PCGF6: variants seen among roughly 807,000 people sequenced by gnomAD.
PCGF6 encodes the protein polycomb group ring finger 6, also known as polycomb group RING finger protein 6.
In PCGF6, 24 loss-of-function variants were observed where a neutral mutation model predicts 45.5. The ratio of observed to expected loss-of-function variants is 0.53; its 90% confidence interval spans 0.38 to 0.74. The LOEUF (loss-of-function observed/expected upper bound fraction) is 0.74. Among genes scored for constraint, PCGF6 ranks in the 30% least tolerant of loss-of-function variants. The probability of loss-of-function intolerance (pLI) is 0.00; values close to 1 mark genes in which losing one functional copy is unlikely to be tolerated. For synonymous variants in PCGF6, 152 were observed against 162.1 expected (o/e 0.94, Z 0.47); for missense variants, 356 against 443.2 (o/e 0.80, Z 1.77).
rs2093125537 is a variant in PCGF6 at position 103,303,235 on chromosome 10, GA to G, written c.*669del. On this transcript the variant is annotated 3_prime_UTR_variant, in exon 10 of 10. Transcript: ENST00000369847. Reference sequence around the variant, plus strand: ...TCAGAAATAAAAATACTGTCACAAAGAAGCACCCCTTATTGGAAGATGTATT... The same window carrying G: ...TCAGAAATAAAAATACTGTCACAAAGAGCACCCCTTATTGGAAGATGTATT... The G allele has an allele frequency of 6.6e-6, 1 of 152,508 alleles. No homozygotes were observed. Among genetic ancestry groups the G allele is most frequent in the Non-Finnish European group, 1.5e-5 (1 of 68,018 alleles). 9.4% of individuals were successfully genotyped at this position (152,508 alleles called of 1,614,324 possible). A position where few individuals can be genotyped will look rare whatever the true frequency, so the allele number is the denominator to read the frequency against.
At chr10:103,329,739 C>G (rs1209449838) in intron 7 of PCGF6, among the ~76,000 whole-genome samples, 4 of 152,116 alleles carry the variant, frequency 2.6e-5, no homozygotes, top group African/African-American at 9.7e-5. Context: ...TCCCAAAGTG[C>G]TGGGATTATA....
At chr10:103,336,508 C>T (rs2093257920) in intron 6 of PCGF6, among the ~76,000 whole-genome samples, 1 of 152,110 alleles carries the variant, frequency 6.6e-6, no homozygotes, top group African/African-American at 2.4e-5. Flanking sequence ...TGGGCATCAG[C>T]TTCTACCTGA....
intron 7 of PCGF6, among the ~76,000 whole-genome samples, chr10:103,329,897 G>A (rs1215911413): frequency 6.6e-6 from 1 of 151,980 alleles, no homozygotes; most frequent in Non-Finnish European, 1.5e-5. Context: ...TCCTGCCTCA[G>A]CCTCCCGAGT....
rs1490339688 is a variant in PCGF6 at position 103,303,077 on chromosome 10, T to A, written c.*828A>T. 8 of 152,796 alleles carry A rather than the reference T, an allele frequency of 5.2e-5. No individual in the cohort carries two copies. The East Asian group carries it at 1.5e-3, about 29-fold the overall frequency. 9.5% of individuals were successfully genotyped at this position (152,796 alleles called of 1,614,324 possible). A position where few individuals can be genotyped will look rare whatever the true frequency, so the allele number is the denominator to read the frequency against. On this transcript the variant is annotated 3_prime_UTR_variant, in exon 10 of 10. Transcript: ENST00000369847. ...ATAATGAGAAAAATAAACATTAAAC[T>A]GACTTACTAAGAAAACAATGAATAA...
intron 7 of PCGF6, among the ~76,000 whole-genome samples, 195 bp downstream of exon 7, chr10:103,333,730 T>G (rs1270428181): frequency 6.6e-6 from 1 of 152,178 alleles, no homozygotes; most frequent in East Asian, 1.9e-4. Context: ...AGTATTCACT[T>G]AATTTTCCTT....
Position 103,351,118 on chromosome 10 carries a change from G to A in PCGF6, c.-52C>T, listed in dbSNP as rs760990476. The A allele has an allele frequency of 7.5e-6, 10 of 1,335,198 alleles. No homozygotes were observed. Among genetic ancestry groups the A allele is most frequent in the Non-Finnish European group, 8.6e-6 (9 of 1,042,416 alleles). 82.7% of individuals were successfully genotyped at this position (1,335,198 alleles called of 1,614,324 possible). A position where few individuals can be genotyped will look rare whatever the true frequency, so the allele number is the denominator to read the frequency against. On this transcript the variant is annotated 5_prime_UTR_variant, in exon 1 of 10. Coordinates refer to ENST00000369847, the MANE Select transcript of PCGF6 (RefSeq NM_001011663.2). ...AGGCGGCGGGAGAGCGCGGGAGTTC[G>A]GCCGGCCTCGGACGCCACCACTGCG... is the stretch of plus-strand genomic sequence containing the variant.
intron 5 of PCGF6, 90 bp downstream of exon 5, chr10:103,347,148 G>T: frequency 1.0e-6 from 1 of 966,002 alleles, no homozygotes; most frequent in Non-Finnish European, 1.6e-6. Context: ...CATATAATAA[G>T]CTACCCCCAA....
chr10:103,341,325 C>T (rs1453749359), intron 6 of PCGF6, among the ~76,000 whole-genome samples: 1 of 151,696 alleles, frequency 6.6e-6, no homozygotes, highest in Non-Finnish European at 1.5e-5. Flanking sequence ...GGCACTATCT[C>T]GGCTCACCAC....
intron 6 of PCGF6, among the ~76,000 whole-genome samples, chr10:103,342,002 C>A (rs1225837202): frequency 6.6e-6 from 1 of 151,992 alleles, no homozygotes; most frequent in Non-Finnish European, 1.5e-5. Context: ...GTGGCACAAT[C>A]TCAGCTCACT....
At chr10:103,329,395 C>T (rs2093231613) in intron 7 of PCGF6, among the ~76,000 whole-genome samples, 1 of 151,864 alleles carries the variant, frequency 6.6e-6, no homozygotes, top group Non-Finnish European at 1.5e-5. Flanking sequence ...GCTGTCATTA[C>T]TAAAAGAGAA....
chr10:103,349,083 C>T, intron 1 of PCGF6, 84 bp from the exon 2 acceptor site: 1 of 1,193,528 alleles, frequency 8.4e-7, no homozygotes. Context: ...GAGTCTCACT[C>T]TGTAGCCCAA....
At chr10:103,348,688 A>C in intron 3 of PCGF6, 28 bp downstream of exon 3, 1 of 1,411,036 alleles carries the variant, frequency 7.1e-7, no homozygotes, top group Non-Finnish European at 9.7e-7. Flanking sequence ...TATTTAAAAT[A>C]CAATTGTAAT....
At chr10:103,313,542 G>A (rs2093164635) in intron 9 of PCGF6, among the ~76,000 whole-genome samples, 1 of 152,054 alleles carries the variant, frequency 6.6e-6, no homozygotes, top group African/African-American at 2.4e-5. Context: ...TCCAGCCTGG[G>A]CAACAGATCA....
chr10:103,343,086 G>A (rs1035112886), intron 6 of PCGF6, among the ~76,000 whole-genome samples: 1 of 151,860 alleles, frequency 6.6e-6, no homozygotes, highest in Non-Finnish European at 1.5e-5. Flanking sequence ...CTACCACCAC[G>A]ACCAGCTAAT....
chr10:103,304,594 G>A (rs541470795), intron 9 of PCGF6, among the ~76,000 whole-genome samples: 1 of 150,918 alleles, frequency 6.6e-6, no homozygotes, highest in Non-Finnish European at 1.5e-5. Context: ...TCCTGCCTCA[G>A]CCTCCCACAG....
intron 8 of PCGF6, among the ~76,000 whole-genome samples, chr10:103,324,392 C>A (rs1361286906): frequency 6.8e-6 from 1 of 147,830 alleles, no homozygotes; most frequent in Non-Finnish European, 1.5e-5. Context: ...GACCACAGAA[C>A]TAGAACTATG....
intron 8 of PCGF6, among the ~76,000 whole-genome samples, chr10:103,319,813 C>G (rs1003466118): frequency 6.6e-6 from 1 of 151,918 alleles, no homozygotes; most frequent in Non-Finnish European, 1.5e-5. Flanking sequence ...ATAATAATAA[C>G]CTAACTTTTT....
rs747966040 is a variant in PCGF6 at position 103,314,316 on chromosome 10, A to G, written c.910-44T>C. 18 of 1,143,764 alleles carry G rather than the reference A, an allele frequency of 1.6e-5. 1 individual carries two copies. The South Asian group carries it at 2.2e-4, about 14-fold the overall frequency. 70.9% of individuals were successfully genotyped at this position (1,143,764 alleles called of 1,614,324 possible). The stretch of plus-strand genomic sequence containing the variant: ...TATTAGATTGATTTCTTGCTTCAAA[A>G]TACCATCTGAAGAAATGAGGAAAAC... On this transcript the variant is annotated intron_variant, in intron 8 of 9. Coordinates refer to ENST00000369847, the MANE Select transcript of PCGF6 (RefSeq NM_001011663.2).
chr10:103,335,794 C>T (rs1389564103), intron 6 of PCGF6, among the ~76,000 whole-genome samples: 1 of 151,854 alleles, frequency 6.6e-6, no homozygotes, highest in Non-Finnish European at 1.5e-5. Context: ...AATGAAACCC[C>T]GTCTCTCCTA....
Sources: gnomAD v4.1 joint callset for allele counts (sites outside exome capture counted in the v4.1 genomes callset) on GRCh38, gnomAD v4.1.1 for gene constraint, MANE v1.5 for transcripts, NCBI Gene and HGNC (gene_info 2026-07-23, HGNC 2026-07-21) for gene names.